The following PDE1A variants were observed in gnomAD, a reference collection of about 807,000 sequenced individuals.
PDE1A encodes dual specificity calcium/calmodulin-dependent 3',5'-cyclic nucleotide phosphodiesterase 1A.
A neutral mutation model predicts 61.7 loss-of-function variants in PDE1A; 35 were observed. That is an observed-to-expected ratio of 0.57 (90% CI 0.43 to 0.75). PDE1A has a LOEUF of 0.75. Ranked by LOEUF, PDE1A falls within the 30% of genes least tolerant of loss-of-function variation. The pLI is 0.00. For synonymous variants in PDE1A, 232 were observed against 213.2 expected (o/e 1.09, Z -0.77); for missense variants, 597 against 630.6 (o/e 0.95, Z 0.57).
chr2:182,607,158 G>C, the PDE1A span, among the ~76,000 whole-genome samples: 1 of 152,140 alleles, frequency 6.6e-6, no homozygotes, highest in Non-Finnish European at 1.5e-5. Context: ...GTGTCTCATC[G>C]TCCAGATGTG....
intron 7 of PDE1A, among the ~76,000 whole-genome samples, chr2:182,213,143 C>T (rs569697423): frequency 6.6e-6 from 1 of 150,914 alleles, no homozygotes; most frequent in South Asian, 2.1e-4. Flanking sequence ...GGAGGCACCC[C>T]CCAGCAGGGG....
chr2:182,211,325 T>C (rs1687577639), intron 7 of PDE1A, among the ~76,000 whole-genome samples: 2 of 152,232 alleles, frequency 1.3e-5, no homozygotes, highest in South Asian at 2.1e-4. Context: ...CAGTTGACTA[T>C]ATTTTTTGTA....
intron 2 of PDE1A, among the ~76,000 whole-genome samples, chr2:182,251,532 A>G (rs894865496): frequency 1.3e-5 from 2 of 152,208 alleles, no homozygotes; most frequent in African/African-American, 4.8e-5. Flanking sequence ...TGTAAGACCT[A>G]TTGAATCAGA....
chr2:182,430,226 C>G (rs1177515057), upstream of PDE1A, among the ~76,000 whole-genome samples: 2 of 146,786 alleles, frequency 1.4e-5, no homozygotes, highest in African/African-American at 2.5e-5. Context: ...GGGCTAATAT[C>G]CAGAATCTAC....
chr2:182,366,481 C>A (rs751860604), intron 1 of PDE1A, among the ~76,000 whole-genome samples: 1 of 151,994 alleles, frequency 6.6e-6, no homozygotes, highest in Non-Finnish European at 1.5e-5. Flanking sequence ...AAACTAACCA[C>A]CTCTCTATAA....
chr2:182,412,273 A>ATC (rs1559436055), intron 1 of PDE1A, among the ~76,000 whole-genome samples: 1 of 152,124 alleles, frequency 6.6e-6, no homozygotes, highest in Non-Finnish European at 1.5e-5. Flanking sequence ...TTAGACAGCT[A>ATC]TCCAAATTTT....
chr2:182,531,005 T>C, the PDE1A span, among the ~76,000 whole-genome samples: 6 of 152,120 alleles, frequency 3.9e-5, no homozygotes, highest in Admixed American at 3.9e-4. Flanking sequence ...TAAAGGGACA[T>C]AAATGAGGTG....
At chr2:182,369,100 C>T (rs1699994231) in intron 1 of PDE1A, among the ~76,000 whole-genome samples, 1 of 151,938 alleles carries the variant, frequency 6.6e-6, no homozygotes, top group African/African-American at 2.4e-5. Context: ...ATTACTTCCC[C>T]GTCTTTCTAT....
At chr2:182,262,127 C>CTCCTTTCTTTCTTTCTCTTT (rs1165555673) in intron 2 of PDE1A, among the ~76,000 whole-genome samples, 3 of 151,732 alleles carry the variant, frequency 2.0e-5, no homozygotes, top group African/African-American at 7.3e-5. Context: ...TTCTTTCTTT[C>CTCCTTTCTTTCTTTCTCTTT]TCCTTTCTTT....
chr2:182,526,686 A>C (rs1690778069), upstream of PDE1A, among the ~76,000 whole-genome samples: 1 of 152,206 alleles, frequency 6.6e-6, no homozygotes, highest in South Asian at 2.1e-4. Flanking sequence ...ACTTAAAATG[A>C]TCTTGGGTTA....
At chr2:182,166,514 C>T (rs1691661360), downstream of PDE1A, among the ~76,000 whole-genome samples, 1 of 152,132 alleles carries the variant, frequency 6.6e-6, no homozygotes, top group Non-Finnish European at 1.5e-5. Context: ...GGTCTAAGGC[C>T]TTTGGCCTCA....
At chr2:182,436,026 T>C (rs760300903) in intron 2 of PDE1A, among the ~76,000 whole-genome samples, 3 of 152,084 alleles carry the variant, frequency 2.0e-5, no homozygotes, top group Non-Finnish European at 2.9e-5. Context: ...AACCATCCAC[T>C]GACTTTGCCA....
chr2:182,285,488 G>A (rs1178038600), intron 1 of PDE1A, among the ~76,000 whole-genome samples: 1 of 151,804 alleles, frequency 6.6e-6, no homozygotes, highest in African/African-American at 2.4e-5. Flanking sequence ...GAAACGATCT[G>A]GTCAAATTAT....
chr2:182,262,110 A>AAAT (rs59165590), intron 2 of PDE1A, among the ~76,000 whole-genome samples: 15,847 of 151,962 alleles, frequency 0.1, 1,163 homozygotes, highest in East Asian at 0.32. Flanking sequence ...TTCACCAAGA[A>AAAT]AATAATTTCT....
chr2:182,255,638 T>C (rs1467905037), intron 2 of PDE1A, among the ~76,000 whole-genome samples: 4 of 151,466 alleles, frequency 2.6e-5, no homozygotes, highest in Non-Finnish European at 4.4e-5. Context: ...ATCTACACTT[T>C]TTCTTTTCTT....
chr2:182,553,909 G>A, the PDE1A span, among the ~76,000 whole-genome samples: 1,648 of 152,300 alleles, frequency 0.011, 20 homozygotes, highest in Middle Eastern at 0.034. Flanking sequence ...GGTGCATGCC[G>A]AAAAGTATCA....
chr2:182,620,365 TGTA>T, the PDE1A span, among the ~76,000 whole-genome samples: 4 of 152,172 alleles, frequency 2.6e-5, no homozygotes, highest in Non-Finnish European at 5.9e-5. Flanking sequence ...TATTATTCCA[TGTA>T]CTTTTTCAAG....
intron 13 of PDE1A, among the ~76,000 whole-genome samples, chr2:182,157,199 G>A (rs1010541757): frequency 4.6e-5 from 7 of 151,628 alleles, no homozygotes; most frequent in African/African-American, 7.3e-5. Flanking sequence ...ATTTTTAGTA[G>A]AGACAGGATT....
intron 2 of PDE1A, among the ~76,000 whole-genome samples, chr2:182,493,783 G>A (rs886198960): frequency 6.6e-6 from 1 of 152,172 alleles, no homozygotes; most frequent in Non-Finnish European, 1.5e-5. Context: ...TAGGAACATG[G>A]ATGGAGCTGG....
Sources: gnomAD v4.1 joint callset for allele counts (sites outside exome capture counted in the v4.1 genomes callset) on GRCh38, gnomAD v4.1.1 for gene constraint, MANE v1.5 for transcripts, NCBI Gene and HGNC (gene_info 2026-07-23, HGNC 2026-07-21) for gene names.